RIMS2: variants seen among roughly 807,000 people sequenced by gnomAD.
The protein encoded by RIMS2 is regulating synaptic membrane exocytosis protein 2.
In RIMS2, 59 loss-of-function variants were observed where a neutral mutation model predicts 174.4. That is an observed-to-expected ratio of 0.34 (90% confidence interval 0.27 to 0.42). The LOEUF (loss-of-function observed/expected upper bound fraction) is 0.42, where lower values mean the gene tolerates loss of function less well. Ranked by LOEUF, RIMS2 falls within the 10% of genes least tolerant of loss-of-function variation. The probability of loss-of-function intolerance (pLI) is 1.00; values close to 1 mark genes in which losing one functional copy is unlikely to be tolerated. For synonymous variants in RIMS2, 606 were observed against 572.5 expected (o/e 1.06, Z -0.84); for missense variants, 1,620 against 1,666.3 (o/e 0.97, Z 0.48).
chr8:104,037,882 G>A (rs1478775954), intron 19 of RIMS2, among the ~76,000 whole-genome samples: 1 of 152,046 alleles, frequency 6.6e-6, no homozygotes, highest in Non-Finnish European at 1.5e-5. Context: ...TATGACAGTG[G>A]TTCCATAACA....
Position 103,668,785 on chromosome 8 carries a change from A to G in RIMS2, c.177-28301A>G, listed in dbSNP as rs942593980. On this transcript the variant is annotated intron_variant, in intron 1 of 23. Transcript: ENST00000504942. ...AGCCTTGAACTCCCGGGCTCAAGCA[A>G]TTCTCCCACCTAAGCCTCCTGAGAA... Among the ~76,000 whole-genome samples, 4 of 151,972 alleles carry G rather than the reference A, an allele frequency of 2.6e-5. 1 individual carries two copies. The highest frequency in any genetic ancestry group is 4.2e-4 in the South Asian group (2 of 4,806).
intron 3 of RIMS2, among the ~76,000 whole-genome samples, chr8:103,790,633 T>G (rs1376144286): frequency 1.3e-5 from 2 of 152,300 alleles, no homozygotes; most frequent in East Asian, 3.9e-4. Context: ...CCAGGGAGTA[T>G]GAAGTGGTTT....
rs2093197565 is a variant in RIMS2 at position 103,575,930 on chromosome 8, T to C, written c.176+74868T>C. On this transcript the variant is annotated intron_variant, in intron 1 of 23. Coordinates refer to ENST00000504942, the Ensembl canonical transcript of RIMS2. Reference sequence around the variant, plus strand: ...GATCAAGGTGGATAACTAGTTTTGCTTCTAACTTCAGTTCCCTAGCAGGAG... The same window carrying C: ...GATCAAGGTGGATAACTAGTTTTGCCTCTAACTTCAGTTCCCTAGCAGGAG... 2.6e-5 allele frequency among the ~76,000 whole-genome samples: 4 copies of C among 152,152 alleles called. No individual in the cohort carries two copies. In the South Asian group the frequency reaches 8.3e-4, roughly 32 times the overall value.
At chr8:104,062,704 A>T (rs1316655619) in intron 19 of RIMS2, among the ~76,000 whole-genome samples, 1 of 152,182 alleles carries the variant, frequency 6.6e-6, no homozygotes, top group Non-Finnish European at 1.5e-5. Context: ...CATTTGATAC[A>T]TACTTAAATG....
At chr8:103,785,572 T>G (rs1348618305) in intron 3 of RIMS2, among the ~76,000 whole-genome samples, 1 of 152,138 alleles carries the variant, frequency 6.6e-6, no homozygotes, top group Non-Finnish European at 1.5e-5. Flanking sequence ...TGGATTACAT[T>G]TATTGATTTG....
Position 103,949,172 on chromosome 8 carries a change from G to A in RIMS2, c.2701+6246G>A, listed in dbSNP as rs577983145. 2.7e-5 allele frequency among the ~76,000 whole-genome samples: 4 copies of A among 148,090 alleles called. No individual in the cohort carries two copies. The South Asian group carries it at 6.6e-4, about 24-fold the overall frequency. On this transcript the variant is annotated intron_variant, in intron 14 of 23. Transcript: ENST00000504942. ...AGGGAAAGGGAAAGGGAAAGGGAAA[G>A]GGAAGGAAAGGGAGAAGAGAAGAGA...
intron 19 of RIMS2, among the ~76,000 whole-genome samples, chr8:104,214,180 A>G (rs2099119162): frequency 2.0e-5 from 3 of 152,272 alleles, no homozygotes; most frequent in Middle Eastern, 6.8e-3. Flanking sequence ...TAGAATACAT[A>G]CTGATTTGCC....
chr8:103,663,024 G>T (rs1256321092), intron 1 of RIMS2, among the ~76,000 whole-genome samples: 1 of 152,034 alleles, frequency 6.6e-6, no homozygotes, highest in Admixed American at 6.6e-5. Context: ...CAAAAAATTA[G>T]CTGGGCATAA....
At chr8:104,178,068 C>T (rs907021868) in intron 19 of RIMS2, among the ~76,000 whole-genome samples, 1 of 152,096 alleles carries the variant, frequency 6.6e-6, no homozygotes, top group South Asian at 2.1e-4. Context: ...AATGTAGAGG[C>T]TCAAAACAAT....
Position 104,181,116 on chromosome 8 carries a change from C to T in RIMS2, c.3335-63800C>T, listed in dbSNP as rs115550876. On this transcript the variant is annotated intron_variant, in intron 19 of 23. Transcript: ENST00000504942. ...ATCTGTTTTCTTAATTGCAGGACTT[C>T]ATAAAGTCCTTTATTATGTTTATGT... 8.9e-3 allele frequency among the ~76,000 whole-genome samples: 1,344 copies of T among 151,708 alleles called. 21 individuals are homozygous for T. Among genetic ancestry groups the T allele is most frequent in the African/African-American group, 0.03 (1,262 of 41,480 alleles).
intron 1 of RIMS2, among the ~76,000 whole-genome samples, chr8:103,513,161 T>C (rs1036146221): frequency 6.6e-6 from 1 of 152,176 alleles, no homozygotes. Flanking sequence ...GCAAGTGCTC[T>C]GGGTGAGCTG....
At chr8:103,943,416 A>T (rs901761637) in intron 14 of RIMS2, among the ~76,000 whole-genome samples, 2 of 152,152 alleles carry the variant, frequency 1.3e-5, no homozygotes, top group East Asian at 3.9e-4. Flanking sequence ...TTAGAACTGT[A>T]TGTCTTGTGG....
intron 1 of RIMS2, among the ~76,000 whole-genome samples, chr8:103,647,895 G>T (rs1187607378): frequency 2.2e-4 from 25 of 113,672 alleles, no homozygotes; most frequent in African/African-American, 3.7e-4. Flanking sequence ...ATTTTTTTTT[G>T]ATTTTTTTTT....
rs182405340 is a variant in RIMS2 at position 104,131,702 on chromosome 8, A to G, written c.3335-113214A>G. ...AAATTTGTGGAGGAGAGAAAATTGA[A>G]TCTTTCAAAAAAGGAAAATAATGGT... On this transcript the variant is annotated intron_variant, in intron 19 of 23. Coordinates refer to ENST00000504942, the Ensembl canonical transcript of RIMS2. Among the ~76,000 whole-genome samples, 13 of 152,256 alleles carry G rather than the reference A, an allele frequency of 8.5e-5. 1 individual carries two copies. In the East Asian group the frequency reaches 1.7e-3, roughly 20 times the overall value.
chr8:104,011,096 A>C (rs963247883), intron 17 of RIMS2, among the ~76,000 whole-genome samples: 1 of 152,110 alleles, frequency 6.6e-6, no homozygotes, highest in Non-Finnish European at 1.5e-5. Context: ...AAGGGACCTG[A>C]TGTAAGACTG....
At chr8:103,965,789 T>A (rs1293006008) in intron 15 of RIMS2, among the ~76,000 whole-genome samples, 6 of 152,162 alleles carry the variant, frequency 3.9e-5, no homozygotes, top group African/African-American at 1.2e-4. Flanking sequence ...TTTTGGTAGA[T>A]ATTCTACATC....
intron 3 of RIMS2, among the ~76,000 whole-genome samples, chr8:103,785,415 A>C (rs2098434600): frequency 6.6e-6 from 1 of 151,754 alleles, no homozygotes; most frequent in South Asian, 2.1e-4. Flanking sequence ...TTTGTCATAG[A>C]TAGCTCTTCT....
intron 5 of RIMS2, 79 bp from the exon 9 acceptor site, chr8:103,911,974 T>A: frequency 1.8e-6 from 2 of 1,121,346 alleles, no homozygotes; most frequent in Non-Finnish European, 2.5e-6. Context: ...CAATCAGAGA[T>A]CATTTGTCAT....
rs188951685 is a variant in RIMS2, at chr8:103,943,521, T to A, written c.2701+595T>A. ...AGTTATAAGAATTAATTAGTCTCAA[T>A]AATATAAACTGATGTTATTATTACT... On this transcript the variant is annotated intron_variant, in intron 14 of 23. Coordinates refer to ENST00000504942, the Ensembl canonical transcript of RIMS2. 3.9e-3 allele frequency among the ~76,000 whole-genome samples: 589 copies of A among 152,320 alleles called. 5 individuals are homozygous for A. Among genetic ancestry groups the A allele is most frequent in the African/African-American group, 0.012 (503 of 41,584 alleles).
Sources: allele counts gnomAD v4.1 joint callset (sites outside exome capture counted in the v4.1 genomes callset), GRCh38; gene constraint gnomAD v4.1.1; transcripts MANE v1.5; gene names NCBI Gene and HGNC (gene_info 2026-07-23, HGNC 2026-07-21).